The following CD37 variants were observed in gnomAD, a reference collection of about 807,000 sequenced individuals.
CD37 encodes leukocyte antigen CD37.
CD37 carries 37 observed loss-of-function variants against 38.9 expected under a neutral mutation model. The observed-to-expected ratio is 0.95, with a 90% CI of 0.73 to 1.25. CD37 has a LOEUF of 1.25. CD37 is among the 50% of genes most tolerant of loss of function. The pLI, the probability that CD37 is intolerant of heterozygous loss-of-function variation, is 0.00. For synonymous variants in CD37, 146 were observed against 150.1 expected (o/e 0.97, Z 0.20); for missense variants, 351 against 360.1 (o/e 0.97, Z 0.20).
rs164820 is a variant in CD37, at chr19:49,339,567, G to C, written c.768+154G>C. ...GCCGCTCCACCCAGCACCGGAGGGT[G>C]GGGGCGGCCCAGCTTCAGGGAGCCC... On this transcript the variant is annotated intron_variant, in intron 7 of 7. Coordinates refer to ENST00000323906, the MANE Select transcript of CD37 (RefSeq NM_001774.3). This position sits in a 1 kb window ranked among gnomAD's most constrained non-coding sequence, Gnocchi z 4.5. The C allele has an allele frequency of 6.9e-7, 1 of 1,459,014 alleles. No homozygotes were observed. The highest frequency in any genetic ancestry group is 2.4e-5 in the East Asian group (1 of 41,594). 90.4% of individuals were successfully genotyped at this position (1,459,014 alleles called of 1,614,324 possible).
rs1971073418 is a variant in CD37, at chr19:49,338,990, G to T, written c.684+54G>T. ...TCGAATGGGGCGGGGCCTGCGGGAG[G>T]GGGAGGGCTGTCAGTGAGTAGCGGC... is the stretch of plus-strand genomic sequence containing the variant. On this transcript the variant is annotated intron_variant, in intron 6 of 7. Coordinates refer to ENST00000323906, the MANE Select transcript of CD37 (RefSeq NM_001774.3). This position sits in a 1 kb window ranked among gnomAD's most constrained non-coding sequence, Gnocchi z 5.0. 1 of 1,366,490 alleles carries T rather than the reference G, an allele frequency of 7.3e-7. No homozygotes were observed. Among genetic ancestry groups the T allele is most frequent in the Non-Finnish European group, 1.0e-6 (1 of 963,000 alleles). 84.6% of individuals were successfully genotyped at this position (1,366,490 alleles called of 1,614,324 possible). A position where few individuals can be genotyped will look rare whatever the true frequency, so the allele number is the denominator to read the frequency against.
At chr19:49,336,431 G>A (rs1242579557) in intron 2 of CD37, 1 of 159,006 alleles carries the variant, frequency 6.3e-6, no homozygotes, top group Admixed American at 6.0e-5. Context: ...GGTGGCACAT[G>A]CCTGTAGTCG....
At chr19:49,337,789 T>C (rs746439946) in intron 4 of CD37, 136 bp from the exon 5 acceptor site, 3 of 1,545,392 alleles carry the variant, frequency 1.9e-6, no homozygotes, top group African/African-American at 2.8e-5. Flanking sequence ...AGACCTGAAG[T>C]ACACAGAGCT....
rs1971046078 is a variant in CD37 at position 49,338,545 on chromosome 19, G to A, written c.448-155G>A. Among the ~76,000 whole-genome samples, 1 of 150,688 alleles carries A rather than the reference G, an allele frequency of 6.6e-6. No individual in the cohort carries two copies. The highest frequency in any genetic ancestry group is 2.4e-5 in the African/African-American group (1 of 40,876). ...TGTTCCCGTAATGTCCCCTGGCTCC[G>A]GCCCCATCGTGACCCCAGCCCACTG... is the stretch of plus-strand genomic sequence containing the variant. On this transcript the variant is annotated intron_variant, in intron 5 of 7. Transcript: ENST00000323906. The surrounding 1 kb of genome is among the most constrained non-coding windows in gnomAD (Gnocchi z 5.0).
At position 49,339,998 on chromosome 19, in the gene CD37, TAAAGGACC is replaced by T. The variant is rs1971152147; in HGVS notation, c.769-252_769-245del. On this transcript the variant is annotated intron_variant, in intron 7 of 7. Coordinates refer to ENST00000323906, the MANE Select transcript of CD37 (RefSeq NM_001774.3). The surrounding 1 kb of genome is among the most constrained non-coding windows in gnomAD (Gnocchi z 4.5). ...GGGGAAGACAGATGAGCCTCCAAAA[TAAAGGACC>T]CTGGGCTTGCTTCCGACCTTACTCC... 2 of 1,442,370 alleles carry T rather than the reference TAAAGGACC, an allele frequency of 1.4e-6. No homozygotes were observed. Among genetic ancestry groups the T allele is most frequent in the Non-Finnish European group, 1.8e-6 (2 of 1,101,042 alleles). The allele number at this position is 1,442,370 out of a possible 1,614,324, so 89.3% of individuals were successfully genotyped here.
chr19:49,339,272 G>T lies in CD37; in HGVS notation c.685-58G>T. 6.7e-7 allele frequency: 1 copy of T among 1,491,494 alleles called. No homozygotes were observed. The highest frequency in any genetic ancestry group is 9.3e-7 in the Non-Finnish European group (1 of 1,073,534). The allele number at this position is 1,491,494 out of a possible 1,614,324, so 92.4% of individuals were successfully genotyped here. A position where few individuals can be genotyped will look rare whatever the true frequency, so the allele number is the denominator to read the frequency against. ...TGAGGGTTGGCCTGAAAAGAACGCT[G>T]GGCCTGGGCTTGAGAGTCCCAGAAA... On this transcript the variant is annotated intron_variant, in intron 6 of 7. Transcript: ENST00000323906. This position sits in a 1 kb window ranked among gnomAD's most constrained non-coding sequence, Gnocchi z 4.5.
At position 49,340,417 on chromosome 19, in the gene CD37, T is replaced by C; in HGVS notation, c.*89T>C. The C allele has an allele frequency of 1.1e-6, 1 of 945,964 alleles. No individual in the cohort carries two copies. Among genetic ancestry groups the C allele is most frequent in the South Asian group, 1.3e-5 (1 of 75,618 alleles). 58.6% of individuals were successfully genotyped at this position (945,964 alleles called of 1,614,324 possible). A position where few individuals can be genotyped will look rare whatever the true frequency, so the allele number is the denominator to read the frequency against. ...TGTAAATATTTGTTTAATCCCCAGTTCGCCTGGAGCCCTCCGCCTTCACAT... is the reference window on the plus strand; with the variant it reads ...TGTAAATATTTGTTTAATCCCCAGTCCGCCTGGAGCCCTCCGCCTTCACAT... On this transcript the variant is annotated 3_prime_UTR_variant, in exon 8 of 8. Transcript: ENST00000323906.
Position 49,337,799 on chromosome 19 carries a change from T to C in CD37, c.343-126T>C, listed in dbSNP as rs558884060. The C allele has an allele frequency of 2.8e-5, 43 of 1,554,776 alleles. No homozygotes were observed. In the East Asian group the frequency reaches 7.0e-4, roughly 25 times the overall value. On this transcript the variant is annotated intron_variant, in intron 4 of 7. Transcript: ENST00000323906. ...AAGACAGACCTGAAGTACACAGAGC[T>C]AGCCATTCAGTAAGGATTTGAGACT...
In CD37 at chr19:49,338,425, A is replaced by G. The variant is rs1439203507; in HGVS notation, c.448-275A>G. 6.6e-6 allele frequency among the ~76,000 whole-genome samples: 1 copy of G among 151,512 alleles called. No individual in the cohort carries two copies. The highest frequency in any genetic ancestry group is 2.4e-5 in the African/African-American group (1 of 41,242). The stretch of plus-strand genomic sequence containing the variant: ...TTCACCTGTCGGGTATCAGAGGCTC[A>G]ATTGCACCACCCACCCAATCTCTAG... On this transcript the variant is annotated intron_variant, in intron 5 of 7. Transcript: ENST00000323906. The surrounding 1 kb of genome is among the most constrained non-coding windows in gnomAD (Gnocchi z 5.0).
chr19:49,340,383 C>T lies in CD37; in HGVS notation c.*55C>T. On this transcript the variant is annotated 3_prime_UTR_variant, in exon 8 of 8. Transcript: ENST00000323906. Reference sequence around the variant, plus strand: ...CCCCGTCACGTGCGCTGGGCACTTCCCTGCTGCCTGTAAATATTTGTTTAA... The same window carrying T: ...CCCCGTCACGTGCGCTGGGCACTTCTCTGCTGCCTGTAAATATTTGTTTAA... The T allele has an allele frequency of 8.7e-7, 1 of 1,152,240 alleles. No individual in the cohort carries two copies. The highest frequency in any genetic ancestry group is 1.3e-6 in the Non-Finnish European group (1 of 762,826). The allele number at this position is 1,152,240 out of a possible 1,614,324, so 71.4% of individuals were successfully genotyped here.
Position 49,340,515 on chromosome 19 carries a change from A to G in CD37, c.*187A>G. 1.6e-6 allele frequency: 1 copy of G among 639,382 alleles called. No homozygotes were observed. The highest frequency in any genetic ancestry group is 2.8e-6 in the Non-Finnish European group (1 of 352,110). The allele number at this position is 639,382 out of a possible 1,614,324, so 39.6% of individuals were successfully genotyped here. On this transcript the variant is annotated 3_prime_UTR_variant, in exon 8 of 8. Transcript: ENST00000323906. Reference sequence around the variant, plus strand: ...CCCACGGGACCTGGGGCTTTCGTCCACAGCTTCCTGTCCCCATCTGTCGGC... The same window carrying G: ...CCCACGGGACCTGGGGCTTTCGTCCGCAGCTTCCTGTCCCCATCTGTCGGC...
At position 49,336,914 on chromosome 19, in the gene CD37, G is replaced by A; in HGVS notation, c.148G>A (p.Ala50Thr). ...ACTCCCCTCACCTCTCCCAGGCTTGGCCTTCGTGCCTCTGCAGATCTGGTC... is the reference window on the plus strand; with the variant it reads ...ACTCCCCTCACCTCTCCCAGGCTTGACCTTCGTGCCTCTGCAGATCTGGTC... The part of the protein sequence containing the change: ...KTSFVSFVGL[A>T]FVPLQIWSKV... Residue 50 changes from alanine (A) to threonine (T), a missense_variant, in exon 3 of 8, where the codon GCC becomes ACC. Ala to Thr is a moderately conservative substitution (Grantham distance 58). Coordinates refer to ENST00000323906, the MANE Select transcript of CD37 (RefSeq NM_001774.3). 1 of 1,614,054 alleles carries A rather than the reference G, an allele frequency of 6.2e-7. No individual in the cohort carries two copies. Among genetic ancestry groups the A allele is most frequent in the South Asian group, 1.1e-5 (1 of 91,072 alleles).
In CD37 at chr19:49,339,029, G is replaced by A; in HGVS notation, c.684+93G>A. 4 of 1,048,962 alleles carry A rather than the reference G, an allele frequency of 3.8e-6. No individual in the cohort carries two copies. The highest frequency in any genetic ancestry group is 1.4e-5 in the South Asian group (1 of 71,304). The allele number at this position is 1,048,962 out of a possible 1,614,324, so 65.0% of individuals were successfully genotyped here. On this transcript the variant is annotated intron_variant, in intron 6 of 7. Transcript: ENST00000323906. The surrounding 1 kb of genome is among the most constrained non-coding windows in gnomAD (Gnocchi z 4.5). ...GTGAGTAGCGGCCTGAGAAAGGGCG[G>A]GGTCTACGAGAAAAGGAAAGGTACG... is the stretch of plus-strand genomic sequence containing the variant.
At position 49,338,555 on chromosome 19, in the gene CD37, T is replaced by C. The variant is rs1243050167; in HGVS notation, c.448-145T>C. ...ATGTCCCCTGGCTCCGGCCCCATCGTGACCCCAGCCCACTGTCCCCCACTC... is the reference window on the plus strand; with the variant it reads ...ATGTCCCCTGGCTCCGGCCCCATCGCGACCCCAGCCCACTGTCCCCCACTC... On this transcript the variant is annotated intron_variant, in intron 5 of 7. Transcript: ENST00000323906. The surrounding 1 kb of genome is among the most constrained non-coding windows in gnomAD (Gnocchi z 5.0). 4.5e-6 allele frequency: 3 copies of C among 661,610 alleles called. No homozygotes were observed. The highest frequency in any genetic ancestry group is 2.3e-5 in the Admixed American group (1 of 43,250). The allele number at this position is 661,610 out of a possible 1,614,324, so 41.0% of individuals were successfully genotyped here. A position where few individuals can be genotyped will look rare whatever the true frequency, so the allele number is the denominator to read the frequency against.
intron 7 of CD37, 148 bp from the exon 8 acceptor site, chr19:49,340,103 A>G (rs1044636996): frequency 6.5e-7 from 1 of 1,535,394 alleles, no homozygotes; most frequent in African/African-American, 1.4e-5. Context: ...GTTCCCGTCG[A>G]GCCCCGCCCT....
In CD37 at chr19:49,340,314, G is replaced by C. The variant is rs143174245; in HGVS notation, c.832G>C (p.Ala278Pro). The change falls in exon 8 of 8, where the codon GCT becomes CCT. Residue 278 changes from alanine (A) to proline (P), a missense_variant. Physicochemically the swap from Ala to Pro is conservative, Grantham distance 27. Coordinates refer to ENST00000323906, the MANE Select transcript of CD37 (RefSeq NM_001774.3). The stretch of plus-strand genomic sequence containing the variant: ...CCTGGACCACGTCTACAACCGGCTC[G>C]CTCGATACCGTTAGGCCCCGCCCTC... ...RNLDHVYNRL[A>P]RYR 6.2e-7 allele frequency: 1 copy of C among 1,613,064 alleles called. No individual in the cohort carries two copies. The highest frequency in any genetic ancestry group is 1.1e-5 in the South Asian group (1 of 91,066).
intron 3 of CD37, 44 bp from the exon 4 acceptor site, chr19:49,337,103 G>C: frequency 6.2e-7 from 1 of 1,614,042 alleles, no homozygotes; most frequent in Non-Finnish European, 8.5e-7. Flanking sequence ...CCTGGGCCGG[G>C]GTTGCAGGGG....
Position 49,338,037 on chromosome 19 carries a change from C to T in CD37, c.447+8C>T, listed in dbSNP as rs199925267. The T allele has an allele frequency of 1.9e-6, 3 of 1,613,400 alleles. No individual in the cohort carries two copies. Among genetic ancestry groups the T allele is most frequent in the Non-Finnish European group, 1.7e-6 (2 of 1,179,758 alleles). ...GACTATGTGCAGTTCCAGGTAAGCCCCCCTCCTCCAGTTCCCTCCCGGACT... is the reference window on the plus strand; with the variant it reads ...GACTATGTGCAGTTCCAGGTAAGCCTCCCTCCTCCAGTTCCCTCCCGGACT... On this transcript the variant is annotated splice_region_variant and intron_variant, in intron 5 of 7. Coordinates refer to ENST00000323906, the MANE Select transcript of CD37 (RefSeq NM_001774.3). The surrounding 1 kb of genome is among the most constrained non-coding windows in gnomAD (Gnocchi z 5.0).
chr19:49,338,655 A>G lies in CD37; in HGVS notation c.448-45A>G, dbSNP rs755668893. ...ACCTTGTCCCCTGATCCCCAACATC[A>G]TATGTCTCCAGTCCCGGTCCCTCTG... On this transcript the variant is annotated intron_variant, in intron 5 of 7. Transcript: ENST00000323906. The surrounding 1 kb of genome is among the most constrained non-coding windows in gnomAD (Gnocchi z 5.0). 4 of 1,408,122 alleles carry G rather than the reference A, an allele frequency of 2.8e-6. No individual in the cohort carries two copies. The highest frequency in any genetic ancestry group is 4.0e-6 in the Non-Finnish European group (4 of 1,003,896). The allele number at this position is 1,408,122 out of a possible 1,614,324, so 87.2% of individuals were successfully genotyped here. A position where few individuals can be genotyped will look rare whatever the true frequency, so the allele number is the denominator to read the frequency against.
Sources: gnomAD v4.1 joint callset for allele counts (sites outside exome capture counted in the v4.1 genomes callset) on GRCh38, gnomAD v4.1.1 for gene constraint, Gnocchi (gnomAD v3.1) non-coding constraint, MANE v1.5 for transcripts, NCBI Gene and HGNC (gene_info 2026-07-23, HGNC 2026-07-21) for gene names.